Variants in KDM4C observed in about 807,000 individuals in gnomAD.
The protein encoded by KDM4C is lysine-specific demethylase 4C.
KDM4C carries 81 observed loss-of-function variants against 129.3 expected under a neutral mutation model. The ratio of observed to expected loss-of-function variants is 0.63; its 90% CI spans 0.52 to 0.75. The LOEUF (loss-of-function observed/expected upper bound fraction) is 0.75. Among genes scored for constraint, KDM4C ranks in the 30% least tolerant of loss-of-function variants. KDM4C has a pLI of 0.00. For missense variants in KDM4C, 1,457 were observed against 1,304.0 expected (o/e 1.12, Z -1.81); for synonymous variants, 573 against 456.1 (o/e 1.26, Z -3.26).
chr9:7,089,800 C>T (rs1285186172), intron 17 of KDM4C, among the ~76,000 whole-genome samples: 1 of 152,244 alleles, frequency 6.6e-6, no homozygotes, highest in Non-Finnish European at 1.5e-5. Flanking sequence ...AAAAACAAAA[C>T]CTTGCCATAT....
At chr9:7,063,378 A>G (rs16925266) in intron 17 of KDM4C, among the ~76,000 whole-genome samples, 27,554 of 152,222 alleles carry the variant, frequency 0.18, 3,036 homozygotes, top group South Asian at 0.42. Context: ...ACAAAGAGGT[A>G]AATTCATTGC....
chr9:7,173,583 C>T (rs536609145), intron 21 of KDM4C, among the ~76,000 whole-genome samples: 1 of 152,256 alleles, frequency 6.6e-6, no homozygotes, highest in African/African-American at 2.4e-5. Flanking sequence ...TGAGGGCCTG[C>T]CCCATAGGGT....
At chr9:6,842,794 A>T (rs992287449) in intron 4 of KDM4C, among the ~76,000 whole-genome samples, 9 of 151,714 alleles carry the variant, frequency 5.9e-5, no homozygotes, top group Non-Finnish European at 1.3e-4. Flanking sequence ...CACCCCCAAT[A>T]CCCACGTTTT....
At chr9:7,118,703 T>C (rs553364940) in intron 18 of KDM4C, among the ~76,000 whole-genome samples, 1 of 152,348 alleles carries the variant, frequency 6.6e-6, no homozygotes, top group East Asian at 1.9e-4. Context: ...TTACTTACTT[T>C]GGTTTCTTCA....
intron 8 of KDM4C, among the ~76,000 whole-genome samples, chr9:6,955,759 A>G (rs879033347): frequency 1.3e-5 from 2 of 152,184 alleles, no homozygotes; most frequent in East Asian, 3.8e-4. Flanking sequence ...TTGTGGAGAA[A>G]AATACACACT....
intron 4 of KDM4C, among the ~76,000 whole-genome samples, chr9:6,824,387 AC>A (rs1488532785): frequency 6.6e-6 from 1 of 152,202 alleles, no homozygotes; most frequent in Non-Finnish European, 1.5e-5. Flanking sequence ...TGGTCTAGTT[AC>A]AGCAAGAGGC....
chr9:7,129,781 A>G (rs185403317), intron 19 of KDM4C, among the ~76,000 whole-genome samples: 5 of 152,260 alleles, frequency 3.3e-5, no homozygotes, highest in Admixed American at 1.3e-4. Context: ...GACATTTACC[A>G]TGTTCCAGGC....
intron 8 of KDM4C, among the ~76,000 whole-genome samples, chr9:6,975,298 A>G (rs1832733856): frequency 6.6e-6 from 1 of 152,258 alleles, no homozygotes; most frequent in African/African-American, 2.4e-5. Context: ...GAAAGCAAAT[A>G]TAATGAGTCC....
intron 1 of KDM4C, among the ~76,000 whole-genome samples, chr9:6,763,694 G>A (rs1479881704): frequency 6.6e-6 from 1 of 152,212 alleles, no homozygotes. Flanking sequence ...GAAAAGCTGG[G>A]AAACAGGAGA....
intron 1 of KDM4C, among the ~76,000 whole-genome samples, chr9:6,774,166 G>T (rs564301750): frequency 6.6e-6 from 1 of 152,060 alleles, no homozygotes; most frequent in Non-Finnish European, 1.5e-5. Flanking sequence ...GGGATTACAG[G>T]TGTGAGCCAC....
chr9:6,936,759 G>C (rs1309200193), intron 8 of KDM4C, among the ~76,000 whole-genome samples: 1 of 152,224 alleles, frequency 6.6e-6, no homozygotes, highest in African/African-American at 2.4e-5. Context: ...ATAGGGACCT[G>C]TTGGTAACTC....
intron 8 of KDM4C, among the ~76,000 whole-genome samples, chr9:6,902,924 G>C (rs919872304): frequency 6.6e-6 from 1 of 152,154 alleles, no homozygotes; most frequent in African/African-American, 2.4e-5. Flanking sequence ...TGAAGGAGCT[G>C]TTGCTTATAT....
At chr9:6,790,846 TA>T (rs1292336878) in intron 1 of KDM4C, among the ~76,000 whole-genome samples, 1 of 152,112 alleles carries the variant, frequency 6.6e-6, no homozygotes, top group Non-Finnish European at 1.5e-5. Context: ...AGGTGCTCAA[TA>T]AATGTTTGCT....
intron 18 of KDM4C, among the ~76,000 whole-genome samples, chr9:7,126,703 C>G (rs112571697): frequency 0.015 from 2,272 of 152,248 alleles, 54 homozygotes; most frequent in African/African-American, 0.052. Context: ...AGATACTCCT[C>G]TAATAAGAGC....
intron 15 of KDM4C, among the ~76,000 whole-genome samples, chr9:7,019,942 C>T (rs950352580): frequency 1.3e-5 from 2 of 151,726 alleles, no homozygotes; most frequent in Admixed American, 6.6e-5. Flanking sequence ...TAGATCAGCT[C>T]TCTTTTTATT....
intron 8 of KDM4C, among the ~76,000 whole-genome samples, chr9:6,928,227 C>T (rs1177162781): frequency 6.6e-6 from 1 of 152,194 alleles, no homozygotes; most frequent in Non-Finnish European, 1.5e-5. Flanking sequence ...TGTTTTCTTC[C>T]AGCTTTCCAG....
intron 18 of KDM4C, among the ~76,000 whole-genome samples, chr9:7,118,429 A>G (rs1349605140): frequency 6.6e-6 from 1 of 152,208 alleles, no homozygotes; most frequent in African/African-American, 2.4e-5. Flanking sequence ...TGTAATTTAC[A>G]AAGAAAGCTT....
At chr9:6,964,108 A>G (rs1391640544) in intron 8 of KDM4C, among the ~76,000 whole-genome samples, 2 of 152,104 alleles carry the variant, frequency 1.3e-5, no homozygotes, top group Admixed American at 6.6e-5. Flanking sequence ...TTTCAGTTAT[A>G]CTTTAAGTTC....
intron 18 of KDM4C, among the ~76,000 whole-genome samples, chr9:7,116,554 A>G (rs1838919489): frequency 6.6e-6 from 1 of 152,148 alleles, no homozygotes; most frequent in East Asian, 1.9e-4. Flanking sequence ...TCTTTCATGC[A>G]CAGTGCTGGG....
Sources: gnomAD v4.1 joint callset for allele counts (sites outside exome capture counted in the v4.1 genomes callset) on GRCh38, gnomAD v4.1.1 for gene constraint, MANE v1.5 for transcripts, NCBI Gene and HGNC (gene_info 2026-07-23, HGNC 2026-07-21) for gene names.